PARP1: variants seen among roughly 807,000 people sequenced by gnomAD.
PARP1 encodes the protein poly [ADP-ribose] polymerase 1.
PARP1 carries 44 observed loss-of-function variants against 118.7 expected under a neutral mutation model. The ratio of observed to expected loss-of-function variants is 0.37; its 90% CI spans 0.29 to 0.48. The LOEUF is 0.48. Ranked by LOEUF, PARP1 falls within the 20% of genes least tolerant of loss-of-function variation. The pLI is 0.99. For synonymous variants in PARP1, 492 were observed against 483.2 expected (o/e 1.02, Z -0.24); for missense variants, 1,100 against 1,272.4 (o/e 0.86, Z 2.06).
Position 226,361,166 on chromosome 1 carries a change from G to T in PARP1, c.*294C>A, listed in dbSNP as rs1242155151. ...CTAACGAAGCTTGGTTTTTTCCATAGGACTAGTCTATGCAACAGAATCTCT... is the reference window on the plus strand; with the variant it reads ...CTAACGAAGCTTGGTTTTTTCCATATGACTAGTCTATGCAACAGAATCTCT... On this transcript the variant is annotated 3_prime_UTR_variant, in exon 23 of 23. Transcript: ENST00000366794. 4 of 506,406 alleles carry T rather than the reference G, an allele frequency of 7.9e-6. No individual in the cohort carries two copies. The highest frequency in any genetic ancestry group is 1.1e-5 in the Non-Finnish European group (3 of 278,090). 31.4% of individuals were successfully genotyped at this position (506,406 alleles called of 1,614,324 possible).
intron 14 of PARP1, among the ~76,000 whole-genome samples, chr1:226,373,098 G>A (rs1664422341): frequency 6.6e-6 from 1 of 152,216 alleles, no homozygotes; most frequent in Admixed American, 6.5e-5. Flanking sequence ...GAGATACGGG[G>A]TTGGCCCTGA....
At chr1:226,392,060 A>G in intron 3 of PARP1, 139 bp downstream of exon 3, 1 of 733,138 alleles carries the variant, frequency 1.4e-6, no homozygotes, top group South Asian at 1.4e-5. Flanking sequence ...GGTCAATACT[A>G]ATGTCTTCAC....
At chr1:226,384,997 C>T (rs922428766) in intron 7 of PARP1, among the ~76,000 whole-genome samples, 6 of 152,132 alleles carry the variant, frequency 3.9e-5, no homozygotes, top group African/African-American at 1.2e-4. Context: ...CCCCACCAGC[C>T]GGCTCCAAAG....
chr1:226,402,175 T>TG, intron 2 of PARP1, 39 bp downstream of exon 2: 1 of 1,614,120 alleles, frequency 6.2e-7, no homozygotes, highest in South Asian at 1.1e-5. Context: ...AGCTTCAGGG[T>TG]GGGGGCTGAA....
chr1:226,368,801 T>C (rs544695152), intron 15 of PARP1, among the ~76,000 whole-genome samples: 7 of 152,244 alleles, frequency 4.6e-5, no homozygotes, highest in Non-Finnish European at 1.0e-4. Flanking sequence ...TACCTGGAGG[T>C]TGAGGTGGCC....
chr1:226,398,527 TAAA>T (rs59275599), intron 2 of PARP1, among the ~76,000 whole-genome samples: 366 of 138,376 alleles, frequency 2.6e-3, no homozygotes, highest in Non-Finnish European at 4.1e-3. Flanking sequence ...AAGACAGTCT[TAAA>T]AAAAAAAAAA....
intron 4 of PARP1, 55 bp from the exon 5 acceptor site, chr1:226,388,810 C>A: frequency 1.5e-6 from 2 of 1,327,924 alleles, no homozygotes; most frequent in Non-Finnish European, 2.2e-6. Flanking sequence ...GTCTGACACC[C>A]AATGACTTGC....
Position 226,379,589 on chromosome 1 carries a change from A to G in PARP1, c.1596T>C (p.Ala532=). The change falls in exon 11 of 23, where the codon GCT becomes GCC. Residue 532 remains alanine, a synonymous_variant. Coordinates refer to ENST00000366794, the MANE Select transcript of PARP1 (RefSeq NM_001618.4). ...RMKLTLKGGA[A]VDPDSGLEHS... Reference sequence around the variant, plus strand: ...TTTGCTTACCAGAATCAGGATCCACAGCTGCTCCTCCTTTAAGAGTTAATT... The same window carrying G: ...TTTGCTTACCAGAATCAGGATCCACGGCTGCTCCTCCTTTAAGAGTTAATT... 1 of 1,613,342 alleles carries G rather than the reference A, an allele frequency of 6.2e-7. No individual in the cohort carries two copies. The highest frequency in any genetic ancestry group is 1.1e-5 in the South Asian group (1 of 90,940).
chr1:226,407,783 C>T (rs1414044750), intron 1 of PARP1, 27 bp downstream of exon 1: 2 of 1,537,346 alleles, frequency 1.3e-6, no homozygotes, highest in South Asian at 2.4e-5. Context: ...CGCGTCCCCG[C>T]CCCGCCGCCC....
At chr1:226,390,842 A>G (rs1230675140) in intron 3 of PARP1, among the ~76,000 whole-genome samples, 1 of 152,006 alleles carries the variant, frequency 6.6e-6, no homozygotes, top group Non-Finnish European at 1.5e-5. Context: ...TTAAATTCCA[A>G]ATGGCTGGCA....
At chr1:226,398,578 A>G (rs1486206887) in intron 2 of PARP1, among the ~76,000 whole-genome samples, 1 of 152,230 alleles carries the variant, frequency 6.6e-6, no homozygotes, top group East Asian at 1.9e-4. Flanking sequence ...ACATTTCACC[A>G]AAGATATACA....
chr1:226,364,206 G>T, intron 19 of PARP1, 136 bp from the exon 20 acceptor site: 1 of 851,090 alleles, frequency 1.2e-6, no homozygotes, highest in Non-Finnish European at 2.0e-6. Context: ...AATGCCCATG[G>T]TGAGGAAATA....
intron 2 of PARP1, among the ~76,000 whole-genome samples, chr1:226,399,821 G>C (rs1664993977): frequency 6.6e-6 from 1 of 152,130 alleles, no homozygotes; most frequent in Non-Finnish European, 1.5e-5. Flanking sequence ...GTGTGGGGTG[G>C]GTAGGGCTAG....
In PARP1 at chr1:226,393,997, T is replaced by C. The variant is rs147241618; in HGVS notation, c.287-1683A>G. 2.0e-3 allele frequency among the ~76,000 whole-genome samples: 298 copies of C among 152,088 alleles called. 1 individual carries two copies. Among genetic ancestry groups the C allele is most frequent in the Non-Finnish European group, 3.4e-3 (234 of 68,002 alleles). The stretch of plus-strand genomic sequence containing the variant: ...AAAGAAAATGTCAAACTTGGAAAAA[T>C]ATTTGTAAAAACATGTTATGACAAA... On this transcript the variant is annotated intron_variant, in intron 2 of 22. Coordinates refer to ENST00000366794, the MANE Select transcript of PARP1 (RefSeq NM_001618.4).
intron 8 of PARP1, among the ~76,000 whole-genome samples, chr1:226,382,165 C>T (rs1371425616): frequency 6.6e-6 from 1 of 152,202 alleles, no homozygotes; most frequent in African/African-American, 2.4e-5. Context: ...AACCCTCATC[C>T]TCCACCCACC....
At chr1:226,368,389 T>C in intron 15 of PARP1, 68 bp from the exon 16 acceptor site, 1 of 1,609,744 alleles carries the variant, frequency 6.2e-7, no homozygotes, top group Admixed American at 1.7e-5. Context: ...CCAGGCTTTC[T>C]CTTTTAGCAG....
rs528185957 is a variant in PARP1 at position 226,390,953 on chromosome 1, G to A, written c.403-329C>T. ...ATAAAAACACATGGTATGGTGTGCT[G>A]GGCAGAGCTAGAGCCTTGCACACCT... is the stretch of plus-strand genomic sequence containing the variant. On this transcript the variant is annotated intron_variant, in intron 3 of 22. Transcript: ENST00000366794. 2.6e-5 allele frequency among the ~76,000 whole-genome samples: 4 copies of A among 151,750 alleles called. No homozygotes were observed. The East Asian group carries it at 7.8e-4, about 29-fold the overall frequency.
At chr1:226,380,200 A>C (rs368714563) in intron 9 of PARP1, 36 bp from the exon 10 acceptor site, 1 of 1,606,902 alleles carries the variant, frequency 6.2e-7, no homozygotes, top group East Asian at 2.2e-5. Context: ...CCAAAATACA[A>C]GTTTAAAACA....
Position 226,367,461 on chromosome 1 carries a change from G to A in PARP1, c.2406+19C>T. On this transcript the variant is annotated intron_variant, in intron 17 of 22. Transcript: ENST00000366794. ...AGGATGAGAGGTTAAGATGCTTGAGGAAGGCCTGACCCTGTTACCTTAATG... is the reference window on the plus strand; with the variant it reads ...AGGATGAGAGGTTAAGATGCTTGAGAAAGGCCTGACCCTGTTACCTTAATG... 2 of 1,613,188 alleles carry A rather than the reference G, an allele frequency of 1.2e-6. No individual in the cohort carries two copies. The highest frequency in any genetic ancestry group is 1.3e-5 in the African/African-American group (1 of 75,028).
Sources: gnomAD v4.1 joint callset for allele counts (sites outside exome capture counted in the v4.1 genomes callset) on GRCh38, gnomAD v4.1.1 for gene constraint, MANE v1.5 for transcripts, NCBI Gene and HGNC (gene_info 2026-07-23, HGNC 2026-07-21) for gene names.